Variants in SCGN observed in about 807,000 individuals in gnomAD.
SCGN encodes the protein secretagogin, EF-hand calcium binding protein.
A neutral mutation model predicts 39.7 loss-of-function variants in SCGN; 30 were observed. That is an observed-to-expected ratio of 0.76 (90% CI 0.57 to 1.03). SCGN has a LOEUF of 1.03. Among genes scored for constraint, SCGN ranks in the 50% least tolerant of loss-of-function variants. SCGN has a pLI of 0.00. For synonymous variants in SCGN, 106 were observed against 114.1 expected (o/e 0.93, Z 0.45); for missense variants, 353 against 349.4 (o/e 1.01, Z -0.08).
chr6:25,685,412 C>G (rs1031632613), intron 7 of SCGN, among the ~76,000 whole-genome samples: 1 of 152,170 alleles, frequency 6.6e-6, no homozygotes, highest in African/African-American at 2.4e-5. Context: ...TGACTGGCAA[C>G]ATGATTTAGG....
intron 2 of SCGN, among the ~76,000 whole-genome samples, chr6:25,659,557 T>G (rs1760296866): frequency 6.6e-6 from 1 of 152,236 alleles, no homozygotes; most frequent in Non-Finnish European, 1.5e-5. Flanking sequence ...TTTTTTCTTC[T>G]TTATTCTTTT....
chr6:25,662,449 T>G (rs1161353923), intron 3 of SCGN, among the ~76,000 whole-genome samples: 1 of 152,198 alleles, frequency 6.6e-6, no homozygotes, highest in East Asian at 1.9e-4. Context: ...TAAATCTGTA[T>G]GTGAAAATGA....
chr6:25,697,143 C>T (rs1175650879), intron 10 of SCGN, among the ~76,000 whole-genome samples: 3 of 152,104 alleles, frequency 2.0e-5, no homozygotes, highest in African/African-American at 7.2e-5. Flanking sequence ...TAAAGGAACA[C>T]CAATGTAATT....
Position 25,701,333 on chromosome 6 carries a change from T to C in SCGN, c.829T>C (p.Ter277GlnextTer14), listed in dbSNP as rs1464978681. 1 of 1,611,874 alleles carries C rather than the reference T, an allele frequency of 6.2e-7. No homozygotes were observed. Among genetic ancestry groups the C allele is most frequent in the African/African-American group, 1.3e-5 (1 of 74,970 alleles). Reference protein sequence around the residue: ...ALCLGLKINP* With the variant: ...ALCLGLKINPQ ...GTGTCTTGGGCTGAAAATCAACCCATAATCCCAGACTGCTTTGCCTTTTGC... is the reference window on the plus strand; with the variant it reads ...GTGTCTTGGGCTGAAAATCAACCCACAATCCCAGACTGCTTTGCCTTTTGC... Residue 277 changes from the stop codon to glutamine, a stop_lost, in exon 11 of 11, where the codon TAA becomes CAA. Coordinates refer to ENST00000377961, the MANE Select transcript of SCGN (RefSeq NM_006998.4).
At chr6:25,700,725 CT>C (rs1374261436) in intron 10 of SCGN, among the ~76,000 whole-genome samples, 2 of 152,188 alleles carry the variant, frequency 1.3e-5, no homozygotes, top group East Asian at 3.8e-4. Context: ...TTCTTGCCCC[CT>C]AACATATCCC....
intron 10 of SCGN, among the ~76,000 whole-genome samples, chr6:25,699,606 A>AG (rs1561771843): frequency 2.0e-5 from 3 of 151,554 alleles, no homozygotes; most frequent in African/African-American, 4.9e-5. Context: ...AAAAAAAAAA[A>AG]AAAAGAAAAG....
At chr6:25,680,353 G>T (rs1182537339) in intron 6 of SCGN, among the ~76,000 whole-genome samples, 1 of 152,154 alleles carries the variant, frequency 6.6e-6, no homozygotes, top group African/African-American at 2.4e-5. Context: ...AGACACAGCC[G>T]AATATGTGTG....
intron 10 of SCGN, among the ~76,000 whole-genome samples, chr6:25,700,446 A>G (rs1759896822): frequency 6.6e-6 from 1 of 152,106 alleles, no homozygotes; most frequent in Admixed American, 6.5e-5. Context: ...ACTGTCTCCA[A>G]TTGTCAGAGG....
At chr6:25,679,649 T>C (rs1189684175) in intron 6 of SCGN, among the ~76,000 whole-genome samples, 1 of 151,960 alleles carries the variant, frequency 6.6e-6, no homozygotes, top group African/African-American at 2.4e-5. Flanking sequence ...GTAGGGAAAA[T>C]AGATAGAAAT....
Position 25,652,458 on chromosome 6 carries a change from C to G in SCGN, c.55C>G (p.Gln19Glu), listed in dbSNP as rs776711416. 3.1e-6 allele frequency: 5 copies of G among 1,614,050 alleles called. No individual in the cohort carries two copies. In the Admixed American group the frequency reaches 8.3e-5, roughly 27 times the overall value. ...GCGCTTGGACGCCGCTGGCTTCTGG[C>G]AGGTCTGGCAGCGCTTTGATGCGGA... The part of the protein sequence containing the change: ...LGRLDAAGFW[Q>E]VWQRFDADEK... Residue 19 changes from glutamine (Q) to glutamate (E), a missense_variant, in exon 1 of 11, where the codon CAG becomes GAG. Transcript: ENST00000377961.
At chr6:25,670,712 C>A (rs182357076) in intron 6 of SCGN, among the ~76,000 whole-genome samples, 1 of 152,316 alleles carries the variant, frequency 6.6e-6, no homozygotes, top group Middle Eastern at 3.4e-3. Context: ...ATTTCCTGTT[C>A]CCCTCATGTC....
intron 2 of SCGN, among the ~76,000 whole-genome samples, chr6:25,656,797 G>A (rs1486514059): frequency 6.6e-6 from 1 of 152,146 alleles, no homozygotes; most frequent in Admixed American, 6.5e-5. Flanking sequence ...TCAAACTAAA[G>A]GTAATGTAGA....
chr6:25,689,648 A>T, intron 9 of SCGN, 116 bp downstream of exon 9: 1 of 810,772 alleles, frequency 1.2e-6, no homozygotes, highest in Non-Finnish European at 2.1e-6. Flanking sequence ...TACCAATCCC[A>T]TCTGTGTGTT....
chr6:25,663,950 A>G (rs1198787627), intron 3 of SCGN, among the ~76,000 whole-genome samples: 1 of 152,232 alleles, frequency 6.6e-6, no homozygotes, highest in Non-Finnish European at 1.5e-5. Flanking sequence ...GGTATTGTAC[A>G]AGACACTGAG....
At chr6:25,665,117 C>G (rs1561762156) in intron 4 of SCGN, 85 bp downstream of exon 4, 1 of 1,000,122 alleles carries the variant, frequency 1.0e-6, no homozygotes, top group Non-Finnish European at 1.6e-6. Context: ...GCCACCACTC[C>G]TGCCCAGTGC....
chr6:25,685,983 A>G (rs1759701223), intron 7 of SCGN, among the ~76,000 whole-genome samples: 2 of 152,156 alleles, frequency 1.3e-5, no homozygotes, highest in African/African-American at 2.4e-5. Context: ...ATTTTATATA[A>G]ATGGAATCAC....
In SCGN at chr6:25,672,999, G is replaced by A. The variant is rs1304154781; in HGVS notation, c.471+2923G>A. Among the ~76,000 whole-genome samples the A allele has an allele frequency of 4.6e-5, 7 of 152,150 alleles. No homozygotes were observed. The South Asian group carries it at 8.3e-4, about 18-fold the overall frequency. On this transcript the variant is annotated intron_variant, in intron 6 of 10. Transcript: ENST00000377961. The stretch of plus-strand genomic sequence containing the variant: ...GTGACTCCTCAAGGGTGAGGAGAGC[G>A]TCTCACCTTCTTGTCTCAGCCTTCA...
chr6:25,691,396 A>G (rs1313648428), intron 10 of SCGN, among the ~76,000 whole-genome samples: 1 of 152,246 alleles, frequency 6.6e-6, no homozygotes, highest in Non-Finnish European at 1.5e-5. Context: ...GTGCCACTGA[A>G]TATCTTTCTG....
intron 2 of SCGN, among the ~76,000 whole-genome samples, chr6:25,653,667 T>C (rs1453109755): frequency 6.6e-6 from 1 of 152,204 alleles, no homozygotes; most frequent in Non-Finnish European, 1.5e-5. Flanking sequence ...TGACTTTCAG[T>C]GTAACATCTG....
Sources: gnomAD v4.1 joint callset for allele counts (sites outside exome capture counted in the v4.1 genomes callset) on GRCh38, gnomAD v4.1.1 for gene constraint, MANE v1.5 for transcripts, NCBI Gene and HGNC (gene_info 2026-07-23, HGNC 2026-07-21) for gene names.